The following SRGAP1 variants were observed in gnomAD, a reference collection of about 807,000 sequenced individuals.
SRGAP1 encodes SLIT-ROBO Rho GTPase-activating protein 1.
Under a neutral mutation model 121.9 loss-of-function variants are expected in SRGAP1, and 43 were observed. That is an observed-to-expected ratio of 0.35 (90% confidence interval 0.28 to 0.46). SRGAP1 has a LOEUF of 0.46. Ranked by LOEUF, SRGAP1 falls within the 20% of genes least tolerant of loss-of-function variation. The pLI, the probability that SRGAP1 is intolerant of heterozygous loss-of-function variation, is 1.00. For missense variants in SRGAP1, 1,102 were observed against 1,350.9 expected (o/e 0.82, Z 2.89); for synonymous variants, 447 against 485.4 (o/e 0.92, Z 1.04).
chr12:64,048,885 A>T (rs570118936), intron 6 of SRGAP1, among the ~76,000 whole-genome samples: 1 of 152,038 alleles, frequency 6.6e-6, no homozygotes, highest in Non-Finnish European at 1.5e-5. Flanking sequence ...TGAGCTCCTT[A>T]TATGCTCTGG....
intron 18 of SRGAP1, among the ~76,000 whole-genome samples, chr12:64,117,132 T>TTGG (rs1429274409): frequency 2.6e-5 from 4 of 152,112 alleles, no homozygotes; most frequent in Admixed American, 2.6e-4. Flanking sequence ...AGGTTGGTGT[T>TTGG]TGGAAAGTTT....
rs1165266534 is a variant in SRGAP1 at position 63,948,995 on chromosome 12, A to T, written c.68-34952A>T. ...CCATATATATATATTCCATATATGT[A>T]TTTTCCATATATATATTCATATATG... is the stretch of plus-strand genomic sequence containing the variant. On this transcript the variant is annotated intron_variant, in intron 1 of 21. Transcript: ENST00000355086. 3.0e-5 allele frequency among the ~76,000 whole-genome samples: 4 copies of T among 133,510 alleles called. No individual in the cohort carries two copies. The East Asian group carries it at 8.4e-4, about 28-fold the overall frequency. 87.6% of individuals were successfully genotyped at this position (133,510 alleles called of 152,430 possible).
chr12:64,162,066 G>A lies in SRGAP1; in HGVS notation c.*19394G>A, dbSNP rs1199027203. The A allele has an allele frequency of 6.6e-6, 1 of 152,146 alleles. No individual in the cohort carries two copies. Among genetic ancestry groups the A allele is most frequent in the Non-Finnish European group, 1.5e-5 (1 of 68,022 alleles). The allele number at this position is 152,146 out of a possible 1,614,324, so 9.4% of individuals were successfully genotyped here. A position where few individuals can be genotyped will look rare whatever the true frequency, so the allele number is the denominator to read the frequency against. On this transcript the variant is annotated 3_prime_UTR_variant, in exon 22 of 22. Transcript: ENST00000355086. ...TGTAGTTGCTGAGGGCTGGGAAAAG[G>A]GTTTGGGGAGAGAAATGACTGCTAA...
chr12:63,922,308 T>A (rs2031090730), intron 1 of SRGAP1, among the ~76,000 whole-genome samples: 1 of 152,174 alleles, frequency 6.6e-6, no homozygotes, highest in Admixed American at 6.5e-5. Context: ...TCTATGGAAT[T>A]TGATTTCTAA....
Position 64,042,911 on chromosome 12 carries a change from G to C in SRGAP1, c.611G>C (p.Arg204Pro). 1 of 1,613,808 alleles carries C rather than the reference G, an allele frequency of 6.2e-7. No homozygotes were observed. The highest frequency in any genetic ancestry group is 8.5e-7 in the Non-Finnish European group (1 of 1,179,860). Residue 204 changes from arginine (R) to proline (P), a missense_variant, in exon 5 of 22, where the codon CGA (arginine) becomes CCA (proline). Coordinates refer to ENST00000355086, the MANE Select transcript of SRGAP1 (RefSeq NM_020762.4). ...GRSGDPVFHI[R>P]LEERHQRRSS... ...TCTGGTGATCCAGTCTTCCATATTC[G>C]ACTAGAGGAGAGACATCAACGGCGA...
intron 1 of SRGAP1, among the ~76,000 whole-genome samples, chr12:63,870,382 A>C (rs184685874): frequency 6.6e-6 from 1 of 152,224 alleles, no homozygotes; most frequent in East Asian, 1.9e-4. Flanking sequence ...TTGGGGAGAA[A>C]TATTTTTTAA....
intron 6 of SRGAP1, among the ~76,000 whole-genome samples, chr12:64,056,912 C>A (rs181403287): frequency 6.6e-6 from 1 of 152,184 alleles, no homozygotes; most frequent in Admixed American, 6.6e-5. Context: ...TCCCCTAACT[C>A]TCCCTATTCC....
chr12:63,957,189 G>A (rs1396757076), intron 1 of SRGAP1, among the ~76,000 whole-genome samples: 1 of 152,180 alleles, frequency 6.6e-6, no homozygotes, highest in Non-Finnish European at 1.5e-5. Context: ...TGAAGGCACA[G>A]TACTTTTCCA....
chr12:63,921,144 A>G (rs542643471), intron 1 of SRGAP1, among the ~76,000 whole-genome samples: 29 of 152,184 alleles, frequency 1.9e-4, no homozygotes, highest in African/African-American at 6.3e-4. Flanking sequence ...CTCCATTACC[A>G]CCACCTGACA....
chr12:63,992,745 A>G (rs1221367035), intron 3 of SRGAP1, among the ~76,000 whole-genome samples: 2 of 151,928 alleles, frequency 1.3e-5, no homozygotes, highest in Non-Finnish European at 1.5e-5. Flanking sequence ...AGAGACAGAC[A>G]AAAACAGATA....
chr12:64,091,241 C>A, intron 11 of SRGAP1, 35 bp from the exon 12 acceptor site: 1 of 1,439,868 alleles, frequency 6.9e-7, no homozygotes, highest in Non-Finnish European at 9.5e-7. Context: ...TGTTTGATTT[C>A]TGCCATGCTC....
intron 3 of SRGAP1, among the ~76,000 whole-genome samples, chr12:63,990,392 C>T (rs1285932579): frequency 4.6e-5 from 7 of 152,152 alleles, no homozygotes; most frequent in East Asian, 1.9e-4. Context: ...ATTAGCTGGG[C>T]GTGGTGGCGC....
At chr12:63,850,719 G>A (rs902038403) in intron 1 of SRGAP1, among the ~76,000 whole-genome samples, 12 of 150,986 alleles carry the variant, frequency 7.9e-5, no homozygotes, top group Admixed American at 4.6e-4. Context: ...CACCATGCCC[G>A]GCCAAGGAGA....
intron 1 of SRGAP1, among the ~76,000 whole-genome samples, chr12:63,869,483 GTTTC>G (rs1188012287): frequency 2.6e-5 from 4 of 152,050 alleles, no homozygotes; most frequent in Non-Finnish European, 5.9e-5. Context: ...GTGTGTGTGT[GTTTC>G]TTTCCTTCCT....
intron 8 of SRGAP1, among the ~76,000 whole-genome samples, chr12:64,075,519 A>G (rs561921789): frequency 6.6e-6 from 1 of 152,342 alleles, no homozygotes; most frequent in East Asian, 1.9e-4. Flanking sequence ...CTTGTTCCCA[A>G]CAGAGTCATC....
At chr12:63,890,738 T>A (rs948354651) in intron 1 of SRGAP1, among the ~76,000 whole-genome samples, 1 of 152,190 alleles carries the variant, frequency 6.6e-6, no homozygotes, top group Non-Finnish European at 1.5e-5. Flanking sequence ...GCTCTTCACC[T>A]GGGTTTCTGC....
intron 12 of SRGAP1, chr12:64,091,856 CT>C: frequency 6.6e-7 from 1 of 1,525,024 alleles, no homozygotes. Flanking sequence ...TACTCTTCGT[CT>C]TCTTTTTCAT....
At chr12:63,959,360 T>C (rs2032567473) in intron 1 of SRGAP1, among the ~76,000 whole-genome samples, 1 of 152,184 alleles carries the variant, frequency 6.6e-6, no homozygotes, top group Non-Finnish European at 1.5e-5. Context: ...TCAGTATTGG[T>C]GCCAGGACAG....
rs11312893 is a variant in SRGAP1, at chr12:64,023,204, CAAA to C, written c.489+6213_489+6215del. Among the ~76,000 whole-genome samples the C allele has an allele frequency of 3.7e-3, 286 of 77,110 alleles. 1 individual carries two copies. Among genetic ancestry groups the C allele is most frequent in the African/African-American group, 0.014 (268 of 19,850 alleles). The allele number at this position is 77,110 out of a possible 152,430, so 50.6% of individuals were successfully genotyped here. On this transcript the variant is annotated intron_variant, in intron 4 of 21. Coordinates refer to ENST00000355086, the MANE Select transcript of SRGAP1 (RefSeq NM_020762.4). ...TGATGAATATATGTTACTTTTGTAC[CAAA>C]AAAAAAAAAAAAAAAAAAAAGGAAG...
Sources: gnomAD v4.1 joint callset for allele counts (sites outside exome capture counted in the v4.1 genomes callset) on GRCh38, gnomAD v4.1.1 for gene constraint, MANE v1.5 for transcripts, NCBI Gene and HGNC (gene_info 2026-07-23, HGNC 2026-07-21) for gene names.